The following LRMDA variants were observed in gnomAD, a reference collection of about 807,000 sequenced individuals.
LRMDA encodes leucine rich melanocyte differentiation associated.
A neutral mutation model predicts 29.8 loss-of-function variants in LRMDA; 18 were observed. That is an observed-to-expected ratio of 0.60 (90% CI 0.42 to 0.90). The LOEUF is 0.90. Ranked by LOEUF, LRMDA falls within the 40% of genes least tolerant of loss-of-function variation. The probability of loss-of-function intolerance (pLI) is 0.00; values close to 1 mark genes in which losing one functional copy is unlikely to be tolerated. For synonymous variants in LRMDA, 125 were observed against 109.4 expected (o/e 1.14, Z -0.89); for missense variants, 273 against 273.9 (o/e 1.00, Z 0.02).
intron 2 of LRMDA, among the ~76,000 whole-genome samples, chr10:75,567,381 C>A (rs187592875): frequency 1.3e-5 from 2 of 152,346 alleles, no homozygotes; most frequent in African/African-American, 4.8e-5. Flanking sequence ...CTAATGATTA[C>A]TTTTAGAATC....
At chr10:75,795,822 A>G (rs1291275452) in intron 2 of LRMDA, among the ~76,000 whole-genome samples, 1 of 152,186 alleles carries the variant, frequency 6.6e-6, no homozygotes, top group Non-Finnish European at 1.5e-5. Flanking sequence ...TATTGACTCT[A>G]TGAATTTGTG....
intron 6 of LRMDA, among the ~76,000 whole-genome samples, chr10:76,381,423 TG>T (rs1305456591): frequency 6.6e-6 from 1 of 152,160 alleles, no homozygotes; most frequent in Non-Finnish European, 1.5e-5. Context: ...GGTAATTGGC[TG>T]GGGACTGAAA....
At chr10:76,402,650 G>A (rs893168880) in intron 6 of LRMDA, among the ~76,000 whole-genome samples, 1 of 152,130 alleles carries the variant, frequency 6.6e-6, no homozygotes, top group Non-Finnish European at 1.5e-5. Flanking sequence ...CACTGTGCAT[G>A]GTCCAGCTGG....
At chr10:76,220,455 A>G (rs1432963769) in intron 5 of LRMDA, among the ~76,000 whole-genome samples, 1 of 152,224 alleles carries the variant, frequency 6.6e-6, no homozygotes, top group African/African-American at 2.4e-5. Flanking sequence ...CCGATCCCAC[A>G]GAAATACAAA....
At chr10:75,487,457 A>G (rs1355541982) in intron 2 of LRMDA, among the ~76,000 whole-genome samples, 7 of 152,226 alleles carry the variant, frequency 4.6e-5, no homozygotes, top group South Asian at 2.1e-4. Context: ...TGAGTGCTCC[A>G]TCACTCAAAA....
At chr10:76,533,259 T>C (rs1445633376) in intron 6 of LRMDA, among the ~76,000 whole-genome samples, 1 of 152,208 alleles carries the variant, frequency 6.6e-6, no homozygotes, top group Non-Finnish European at 1.5e-5. Context: ...ATTGTGATTA[T>C]TCTAAATTTT....
intron 2 of LRMDA, among the ~76,000 whole-genome samples, chr10:75,587,111 C>T (rs1013496366): frequency 1.2e-4 from 19 of 152,112 alleles, no homozygotes; most frequent in African/African-American, 4.6e-4. Flanking sequence ...AGTCTTGGCT[C>T]TTACATTTCA....
intron 5 of LRMDA, among the ~76,000 whole-genome samples, chr10:76,082,315 G>T (rs1319454980): frequency 3.3e-5 from 5 of 152,122 alleles, no homozygotes; most frequent in Admixed American, 1.3e-4. Context: ...CCTCAGGCTT[G>T]ATTTCCCTGC....
At chr10:75,838,265 C>A (rs552377156) in intron 2 of LRMDA, among the ~76,000 whole-genome samples, 1 of 152,118 alleles carries the variant, frequency 6.6e-6, no homozygotes, top group African/African-American at 2.4e-5. Context: ...GAGTCAAATG[C>A]AATACAAATA....
chr10:76,549,846 C>A (rs181564380), intron 6 of LRMDA, among the ~76,000 whole-genome samples: 41 of 152,236 alleles, frequency 2.7e-4, no homozygotes, highest in Admixed American at 7.2e-4. Flanking sequence ...GAGGAATTAA[C>A]CTTGGTAGAA....
chr10:75,507,110 C>CTT (rs147220513), intron 2 of LRMDA, among the ~76,000 whole-genome samples: 81 of 144,338 alleles, frequency 5.6e-4, no homozygotes, highest in Non-Finnish European at 8.8e-4. Flanking sequence ...GTTCTGGCAT[C>CTT]TTTTTTTTTT....
intron 5 of LRMDA, among the ~76,000 whole-genome samples, chr10:76,154,478 T>C (rs904283829): frequency 6.6e-6 from 1 of 152,094 alleles, no homozygotes; most frequent in Admixed American, 6.6e-5. Flanking sequence ...GTGAAGGAGG[T>C]AGTCCTCTTT....
At chr10:75,720,958 G>A (rs771217761) in intron 2 of LRMDA, among the ~76,000 whole-genome samples, 43 of 152,200 alleles carry the variant, frequency 2.8e-4, no homozygotes, top group Non-Finnish European at 5.0e-4. Flanking sequence ...TTTCATCAGG[G>A]TATTTCAAAT....
At chr10:76,472,954 G>T (rs1269971973) in intron 6 of LRMDA, among the ~76,000 whole-genome samples, 1 of 151,548 alleles carries the variant, frequency 6.6e-6, no homozygotes, top group African/African-American at 2.4e-5. Context: ...AGCATTTAAA[G>T]AAAGTAAATG....
intron 5 of LRMDA, among the ~76,000 whole-genome samples, chr10:76,226,973 G>A (rs1355987625): frequency 6.6e-6 from 1 of 152,168 alleles, no homozygotes; most frequent in African/African-American, 2.4e-5. Flanking sequence ...AACAAGCAAT[G>A]TTGTGAGGTT....
intron 2 of LRMDA, among the ~76,000 whole-genome samples, chr10:75,832,793 G>A (rs1844367987): frequency 6.6e-6 from 1 of 152,190 alleles, no homozygotes; most frequent in Non-Finnish European, 1.5e-5. Context: ...GCAAAGAGAA[G>A]GCTTGTGCAG....
At chr10:76,542,342 A>T (rs1332427906) in intron 6 of LRMDA, among the ~76,000 whole-genome samples, 1 of 151,704 alleles carries the variant, frequency 6.6e-6, no homozygotes, top group East Asian at 1.9e-4. Flanking sequence ...TTTGGAGGGG[A>T]GGGGGTTATC....
intron 2 of LRMDA, among the ~76,000 whole-genome samples, chr10:75,887,405 A>G (rs1472055977): frequency 6.6e-6 from 1 of 152,178 alleles, no homozygotes; most frequent in Non-Finnish European, 1.5e-5. Flanking sequence ...TCTTCTATGA[A>G]TTAAACTAGG....
intron 2 of LRMDA, among the ~76,000 whole-genome samples, chr10:75,890,306 TTC>T (rs776676441): frequency 2.0e-5 from 3 of 152,234 alleles, no homozygotes; most frequent in Admixed American, 1.3e-4. Context: ...GTCATTTGAA[TTC>T]TCTCTCTATA....
Sources: allele counts gnomAD v4.1 joint callset (sites outside exome capture counted in the v4.1 genomes callset), GRCh38; gene constraint gnomAD v4.1.1; transcripts MANE v1.5; gene names NCBI Gene and HGNC (gene_info 2026-07-23, HGNC 2026-07-21).